Variants in TAOK1 observed in about 807,000 individuals in gnomAD.
TAOK1 encodes the protein TAO kinase 1.
A neutral mutation model predicts 138.3 loss-of-function variants in TAOK1; 21 were observed. The observed-to-expected ratio is 0.15, with a 90% CI of 0.11 to 0.22. TAOK1 has a LOEUF of 0.22. Ranked by LOEUF, TAOK1 falls within the 10% of genes least tolerant of loss-of-function variation. The pLI is 1.00. For synonymous variants in TAOK1, 361 were observed against 398.4 expected (o/e 0.91, Z 1.12); for missense variants, 651 against 1,227.7 (o/e 0.53, Z 7.02).
At chr17:29,441,429 TCTTTA>T (rs2029937896) in intron 1 of TAOK1, among the ~76,000 whole-genome samples, 1 of 152,192 alleles carries the variant, frequency 6.6e-6, no homozygotes, top group South Asian at 2.1e-4. Context: ...TTTATCAATG[TCTTTA>T]CTTGTTGAAA....
chr17:29,491,014 A>C (rs779668106), intron 9 of TAOK1, among the ~76,000 whole-genome samples: 1 of 152,230 alleles, frequency 6.6e-6, no homozygotes, highest in Non-Finnish European at 1.5e-5. Context: ...TTTCAACATC[A>C]GTTTTGGAGA....
intron 1 of TAOK1, among the ~76,000 whole-genome samples, chr17:29,402,721 AATTAAGTAT>A (rs1188461908): frequency 6.6e-6 from 1 of 152,100 alleles, no homozygotes; most frequent in African/African-American, 2.4e-5. Flanking sequence ...TTATGTGACT[AATTAAGTAT>A]ATTAAGTATA....
At position 29,397,607 on chromosome 17, in the gene TAOK1, C is replaced by CCCCCAA. The variant is rs60665025; in HGVS notation, c.-95+6583_-95+6584insCCCCAA. Among the ~76,000 whole-genome samples the CCCCCAA allele has an allele frequency of 4.3e-3, 405 of 94,588 alleles. 15 individuals carry two copies. Among genetic ancestry groups the CCCCCAA allele is most frequent in the South Asian group, 0.029 (88 of 3,010 alleles). 62.1% of individuals were successfully genotyped at this position (94,588 alleles called of 152,430 possible). ...AACAGAGTGAGATTCCGTCCCCCCC[C>CCCCCAA]AAAAAAATATATATATATATATACA... On this transcript the variant is annotated intron_variant, in intron 1 of 19. Transcript: ENST00000261716.
Position 29,534,377 on chromosome 17 carries a change from T to C in TAOK1, c.2544+77T>C, listed in dbSNP as rs1384783890. 5 of 1,293,630 alleles carry C rather than the reference T, an allele frequency of 3.9e-6. No individual in the cohort carries two copies. The East Asian group carries it at 1.3e-4, about 35-fold the overall frequency. The allele number at this position is 1,293,630 out of a possible 1,614,324, so 80.1% of individuals were successfully genotyped here. On this transcript the variant is annotated intron_variant, in intron 19 of 19. Transcript: ENST00000261716. ...AGCGTTTTATAAATATATTTTCATG[T>C]TGGCAGAGGTCACATTAGATTTCTT...
chr17:29,518,486 A>G (rs1430376279), intron 16 of TAOK1, among the ~76,000 whole-genome samples: 1 of 152,268 alleles, frequency 6.6e-6, no homozygotes, highest in East Asian at 1.9e-4. Flanking sequence ...CCCTGTCTCA[A>G]ACAGACAGAC....
intron 14 of TAOK1, among the ~76,000 whole-genome samples, chr17:29,510,177 G>T (rs958167217): frequency 2.6e-5 from 4 of 151,970 alleles, no homozygotes; most frequent in Non-Finnish European, 1.5e-5. Flanking sequence ...AGGAGTTCAA[G>T]ACCAGCTTGG....
chr17:29,463,527 C>T (rs954418203), intron 2 of TAOK1, among the ~76,000 whole-genome samples: 10 of 150,936 alleles, frequency 6.6e-5, no homozygotes, highest in African/African-American at 2.4e-4. Flanking sequence ...GCCGAGATTG[C>T]GCCACCGCAC....
chr17:29,466,315 T>G (rs2030667847), intron 2 of TAOK1, among the ~76,000 whole-genome samples: 1 of 152,116 alleles, frequency 6.6e-6, no homozygotes, highest in Non-Finnish European at 1.5e-5. Flanking sequence ...GGCTGATTTT[T>G]ATATTTTTAG....
At chr17:29,461,232 A>C (rs959556639) in intron 2 of TAOK1, among the ~76,000 whole-genome samples, 1 of 152,198 alleles carries the variant, frequency 6.6e-6, no homozygotes, top group South Asian at 2.1e-4. Flanking sequence ...TTGAGTGCGT[A>C]CTATGTATGC....
At chr17:29,528,926 G>C (rs1166079350) in intron 17 of TAOK1, among the ~76,000 whole-genome samples, 1 of 145,522 alleles carries the variant, frequency 6.9e-6, no homozygotes, top group African/African-American at 2.5e-5. Flanking sequence ...TCTGTCTCTA[G>C]ATCTGATAAG....
At chr17:29,436,908 AT>A (rs1165371824) in intron 1 of TAOK1, among the ~76,000 whole-genome samples, 2 of 152,116 alleles carry the variant, frequency 1.3e-5, no homozygotes, top group African/African-American at 4.8e-5. Context: ...AGGGAAGAAA[AT>A]TTTGAAACTG....
At chr17:29,527,703 G>A (rs988070712) in intron 17 of TAOK1, among the ~76,000 whole-genome samples, 2 of 152,130 alleles carry the variant, frequency 1.3e-5, no homozygotes, top group Admixed American at 1.3e-4. Flanking sequence ...GCCAATACCT[G>A]GCAGTATTTA....
intron 10 of TAOK1, among the ~76,000 whole-genome samples, chr17:29,494,348 A>C (rs2031367753): frequency 6.6e-6 from 1 of 151,596 alleles, no homozygotes. Context: ...CCCACCCCCC[A>C]AAAAATAAAA....
chr17:29,403,827 C>T (rs1904918779), intron 1 of TAOK1: 1 of 152,162 alleles, frequency 6.6e-6, no homozygotes, highest in Non-Finnish European at 1.5e-5. Context: ...ACGTCAGCCT[C>T]CCAAAGTGCT....
At chr17:29,468,080 G>A (rs2030717933) in intron 3 of TAOK1, among the ~76,000 whole-genome samples, 1 of 149,312 alleles carries the variant, frequency 6.7e-6, no homozygotes, top group African/African-American at 2.5e-5. Flanking sequence ...ACCTGCCTTG[G>A]CCTCCCAAAA....
Position 29,534,222 on chromosome 17 carries a change from A to T in TAOK1, c.2466A>T (p.Gln822His). 2.5e-6 allele frequency: 4 copies of T among 1,613,722 alleles called. No homozygotes were observed. The highest frequency in any genetic ancestry group is 3.4e-6 in the Non-Finnish European group (4 of 1,179,854). The change falls in exon 19 of 20, where the codon CAA (glutamine) becomes CAT (histidine). Residue 822 changes from glutamine to histidine, a missense_variant. Gln to His is a conservative substitution (Grantham distance 24). Coordinates refer to ENST00000261716, the MANE Select transcript of TAOK1 (RefSeq NM_020791.4). ...CGTATCAGAGCAAAATCAAGATGCA[A>T]GCTGAGGCACAACATGATCGAGAGC... ...LNAYQSKIKM[Q>H]AEAQHDRELR... is the part of the protein sequence containing the mutation.
At chr17:29,510,287 G>C (rs1199038338) in intron 14 of TAOK1, among the ~76,000 whole-genome samples, 1 of 152,110 alleles carries the variant, frequency 6.6e-6, no homozygotes, top group East Asian at 1.9e-4. Context: ...TGAGGCAGGA[G>C]AATCACTTGA....
chr17:29,495,551 C>G lies in TAOK1; in HGVS notation c.832-9C>G. 2 of 1,562,170 alleles carry G rather than the reference C, an allele frequency of 1.3e-6. No individual in the cohort carries two copies. The highest frequency in any genetic ancestry group is 1.7e-6 in the Non-Finnish European group (2 of 1,151,076). On this transcript the variant is annotated splice_polypyrimidine_tract_variant and intron_variant, in intron 10 of 19. Coordinates refer to ENST00000261716, the MANE Select transcript of TAOK1 (RefSeq NM_020791.4). Reference sequence around the variant, plus strand: ...AAAAAATCAACCTTTTACCTTCTACCCTATCTAGCACATATTTGTTCTTCG... The same window carrying G: ...AAAAAATCAACCTTTTACCTTCTACGCTATCTAGCACATATTTGTTCTTCG...
chr17:29,531,662 C>T (rs1455505101), intron 18 of TAOK1, among the ~76,000 whole-genome samples: 3 of 150,498 alleles, frequency 2.0e-5, no homozygotes, highest in Non-Finnish European at 4.4e-5. Context: ...ACTCTGGAGG[C>T]GGAGGCGGGA....
Sources: gnomAD v4.1 joint callset for allele counts (sites outside exome capture counted in the v4.1 genomes callset) on GRCh38, gnomAD v4.1.1 for gene constraint, MANE v1.5 for transcripts, NCBI Gene and HGNC (gene_info 2026-07-23, HGNC 2026-07-21) for gene names.